SLAMF9: variants seen among roughly 807,000 people sequenced by gnomAD.
The protein encoded by SLAMF9 is SLAM family member 9.
SLAMF9 carries 25 observed loss-of-function variants against 30.4 expected under a neutral mutation model. The ratio of observed to expected loss-of-function variants is 0.82; its 90% CI spans 0.60 to 1.15. The LOEUF (loss-of-function observed/expected upper bound fraction) is 1.15, where lower values mean the gene tolerates loss of function less well. SLAMF9 is among the 50% of genes most tolerant of loss of function. SLAMF9 has a pLI of 0.00. For synonymous variants in SLAMF9, 129 were observed against 127.2 expected (o/e 1.01, Z -0.09); for missense variants, 344 against 346.1 (o/e 0.99, Z 0.05).
chr1:159,961,999 A>T, the SLAMF9 span, among the ~76,000 whole-genome samples: 1 of 152,000 alleles, frequency 6.6e-6, no homozygotes, highest in African/African-American at 2.4e-5. Context: ...CTCTACTAAG[A>T]ATACAAAAAT....
upstream of SLAMF9, among the ~76,000 whole-genome samples, chr1:159,958,840 A>G (rs1264952165): frequency 6.6e-6 from 1 of 152,054 alleles, no homozygotes; most frequent in African/African-American, 2.4e-5. Context: ...TGCCCTTTTA[A>G]TCTTATTCAG....
the SLAMF9 span, chr1:159,972,728 G>T: frequency 6.7e-6 from 2 of 298,682 alleles, no homozygotes; most frequent in African/African-American, 2.2e-5. Flanking sequence ...GGTAGAACAA[G>T]TACAGGATTG....
chr1:159,980,827 C>T, the SLAMF9 span, among the ~76,000 whole-genome samples: 1 of 152,254 alleles, frequency 6.6e-6, no homozygotes, highest in Non-Finnish European at 1.5e-5. Flanking sequence ...AGGCGTAAGC[C>T]ACCGTGCCCA....
chr1:159,955,782 T>G (rs975373037), upstream of SLAMF9, among the ~76,000 whole-genome samples: 1 of 152,224 alleles, frequency 6.6e-6, no homozygotes, highest in Non-Finnish European at 1.5e-5. Context: ...CAAGGAGAGA[T>G]ATTTAAGATG....
chr1:159,952,979 A>G (rs60582234), intron 2 of SLAMF9, among the ~76,000 whole-genome samples: 43 of 152,358 alleles, frequency 2.8e-4, no homozygotes, highest in African/African-American at 9.9e-4. Context: ...ACACAGGGAA[A>G]TAAAAGGCTC....
the SLAMF9 span, chr1:159,973,309 G>A: frequency 1.6e-6 from 1 of 635,712 alleles, no homozygotes; most frequent in African/African-American, 1.8e-5. Context: ...CAGGGCTCAG[G>A]AGGGGAGTCC....
the SLAMF9 span, chr1:159,972,616 T>C: frequency 6.2e-6 from 1 of 161,102 alleles, no homozygotes. Context: ...CAGGATGAGA[T>C]CCCAGCATCC....
chr1:159,968,081 G>A, the SLAMF9 span, among the ~76,000 whole-genome samples: 1 of 152,128 alleles, frequency 6.6e-6, no homozygotes, highest in South Asian at 2.1e-4. Context: ...CTATTAAGAT[G>A]GCTTTTATTT....
chr1:159,955,714 G>A (rs1390777976), upstream of SLAMF9, among the ~76,000 whole-genome samples: 3 of 152,132 alleles, frequency 2.0e-5, no homozygotes, highest in Non-Finnish European at 4.4e-5. Flanking sequence ...ATAATTGAAG[G>A]AGCCTATAAT....
chr1:159,980,227 G>C, the SLAMF9 span, among the ~76,000 whole-genome samples: 2 of 152,102 alleles, frequency 1.3e-5, no homozygotes, highest in Admixed American at 1.3e-4. Flanking sequence ...CCCCACGGTG[G>C]GCTGTGCACT....
At chr1:159,962,093 G>A in the SLAMF9 span, among the ~76,000 whole-genome samples, 3 of 152,030 alleles carry the variant, frequency 2.0e-5, no homozygotes, top group Non-Finnish European at 4.4e-5. Context: ...AGGAGCTAGA[G>A]GTTTCAGTCA....
intron 1 of SLAMF9, 35 bp downstream of exon 1, chr1:159,954,057 G>A: frequency 1.2e-6 from 2 of 1,613,490 alleles, no homozygotes; most frequent in East Asian, 4.5e-5. Context: ...AGGTGTAGGG[G>A]ACATTCCTGT....
intron 2 of SLAMF9, among the ~76,000 whole-genome samples, chr1:159,952,815 G>A (rs1651805678): frequency 2.6e-5 from 4 of 152,124 alleles, no homozygotes; most frequent in Non-Finnish European, 1.5e-5. Context: ...ACCCCATTCT[G>A]TCTCCTTGAT....
At chr1:159,973,728 T>C in the SLAMF9 span, 2 of 1,404,230 alleles carry the variant, frequency 1.4e-6, no homozygotes, top group East Asian at 4.6e-5. Flanking sequence ...TCCAGAGAGC[T>C]ACTGATCTCT....
chr1:159,960,160 C>G, the SLAMF9 span, among the ~76,000 whole-genome samples: 35 of 109,552 alleles, frequency 3.2e-4, no homozygotes, highest in African/African-American at 1.2e-3. Context: ...TGCTATCCCT[C>G]CCCCCTCCCC....
At chr1:159,983,861 G>A in the SLAMF9 span, 1 of 152,244 alleles carries the variant, frequency 6.6e-6, no homozygotes, top group Admixed American at 6.5e-5. Flanking sequence ...GCTCTCTCAG[G>A]GAAAGAGACC....
At chr1:159,960,461 C>CT in the SLAMF9 span, among the ~76,000 whole-genome samples, 24,530 of 130,718 alleles carry the variant, frequency 0.19, 3,517 homozygotes, top group African/African-American at 0.4. Context: ...CTCTGATGAT[C>CT]TTTTTTTTTT....
the SLAMF9 span, chr1:159,974,064 G>T: frequency 5.7e-6 from 9 of 1,588,902 alleles, no homozygotes; most frequent in South Asian, 2.2e-5. Context: ...GTACAGCCAG[G>T]CTGCAAGGCA....
the SLAMF9 span, among the ~76,000 whole-genome samples, chr1:159,981,540 G>A: frequency 6.6e-6 from 1 of 152,164 alleles, no homozygotes; most frequent in African/African-American, 2.4e-5. Flanking sequence ...CCCAGACCAG[G>A]GGGTGCTGGC....
Sources: allele counts gnomAD v4.1 joint callset (sites outside exome capture counted in the v4.1 genomes callset), GRCh38; gene constraint gnomAD v4.1.1; transcripts MANE v1.5; gene names NCBI Gene and HGNC (gene_info 2026-07-23, HGNC 2026-07-21).